Variants in NRF1 observed in about 807,000 individuals in gnomAD.
The protein encoded by NRF1 is nuclear respiratory factor 1.
A neutral mutation model predicts 58.5 loss-of-function variants in NRF1; 5 were observed. The ratio of observed to expected loss-of-function variants is 0.09; its 90% CI spans 0.04 to 0.18. The LOEUF (loss-of-function observed/expected upper bound fraction) is 0.18. Among genes scored for constraint, NRF1 ranks in the 10% least tolerant of loss-of-function variants. The probability of loss-of-function intolerance (pLI) is 1.00; values close to 1 mark genes in which losing one functional copy is unlikely to be tolerated. For synonymous variants in NRF1, 224 were observed against 246.7 expected (o/e 0.91, Z 0.86); for missense variants, 288 against 657.7 (o/e 0.44, Z 6.15).
intron 1 of NRF1, among the ~76,000 whole-genome samples, chr7:129,627,659 G>T (rs1800950880): frequency 6.6e-6 from 1 of 152,114 alleles, no homozygotes; most frequent in South Asian, 2.1e-4. Flanking sequence ...CAAGAGAATT[G>T]ACTATTATAT....
At chr7:129,663,261 C>G (rs186704959) in intron 2 of NRF1, among the ~76,000 whole-genome samples, 1 of 152,208 alleles carries the variant, frequency 6.6e-6, no homozygotes, top group East Asian at 1.9e-4. Flanking sequence ...TCTCGATGGT[C>G]GCTGTCTCTT....
At chr7:129,699,208 G>A (rs141524565) in intron 5 of NRF1, among the ~76,000 whole-genome samples, 1 of 152,294 alleles carries the variant, frequency 6.6e-6, no homozygotes, top group African/African-American at 2.4e-5. Flanking sequence ...TGCTTCATTA[G>A]GAAGGAGTTA....
chr7:129,622,349 T>G (rs893949339), intron 1 of NRF1, among the ~76,000 whole-genome samples: 10 of 152,134 alleles, frequency 6.6e-5, no homozygotes, highest in African/African-American at 2.4e-4. Flanking sequence ...ATTTGAAAAA[T>G]GAGGAGGACA....
chr7:129,732,873 C>T (rs535069148), intron 10 of NRF1, among the ~76,000 whole-genome samples: 49 of 152,138 alleles, frequency 3.2e-4, no homozygotes, highest in Non-Finnish European at 3.4e-4. Context: ...AAGTTCCAGA[C>T]CAGCCTGGGC....
In NRF1 at chr7:129,687,214, A is replaced by T. The variant is rs553701738; in HGVS notation, c.466-3192A>T. 3.3e-5 allele frequency among the ~76,000 whole-genome samples: 5 copies of T among 151,616 alleles called. No individual in the cohort carries two copies. The South Asian group carries it at 1.0e-3, about 32-fold the overall frequency. ...AAAACAGGCAATGCTATATTTCTTT[A>T]AAAAGTGCTCTGTTATTGTCTGAAT... On this transcript the variant is annotated intron_variant, in intron 4 of 10. Coordinates refer to ENST00000393232, the MANE Select transcript of NRF1 (RefSeq NM_005011.5).
Position 129,678,430 on chromosome 7 carries a change from G to A in NRF1, c.465+672G>A, listed in dbSNP as rs1325762312. ...TATTAGCTTAAAATGACATTTATTA[G>A]ATGTCTCCCATATTGAATATAGGCA... On this transcript the variant is annotated intron_variant, in intron 4 of 10. Transcript: ENST00000393232. Among the ~76,000 whole-genome samples, 3 of 152,100 alleles carry A rather than the reference G, an allele frequency of 2.0e-5. No homozygotes were observed. In the East Asian group the frequency reaches 5.8e-4, roughly 29 times the overall value.
chr7:129,671,410 A>G lies in NRF1; in HGVS notation c.224-19A>G, dbSNP rs1479528665. The G allele has an allele frequency of 1.3e-6, 2 of 1,545,290 alleles. No homozygotes were observed. Among genetic ancestry groups the G allele is most frequent in the Non-Finnish European group, 1.8e-6 (2 of 1,117,530 alleles). ...TTACAGGCAGCTGCCTAATCTCAGC[A>G]CATACGTTATTATTTCAGGTCCTGT... On this transcript the variant is annotated intron_variant, in intron 2 of 10. Coordinates refer to ENST00000393232, the MANE Select transcript of NRF1 (RefSeq NM_005011.5).
At chr7:129,627,402 G>A (rs538529345) in intron 1 of NRF1, among the ~76,000 whole-genome samples, 2 of 151,210 alleles carry the variant, frequency 1.3e-5, no homozygotes, top group Middle Eastern at 3.4e-3. Flanking sequence ...TATTTTTTTC[G>A]TAGATACAAG....
At position 129,741,013 on chromosome 7, in the gene NRF1, C is replaced by T. The variant is rs145817879; in HGVS notation, c.1348+13648C>T. Among the ~76,000 whole-genome samples, 3 of 152,116 alleles carry T rather than the reference C, an allele frequency of 2.0e-5. No homozygotes were observed. Among genetic ancestry groups the T allele is most frequent in the East Asian group, 1.9e-4 (1 of 5,194 alleles). On this transcript the variant is annotated intron_variant, in intron 10 of 10. Transcript: ENST00000393232. The surrounding 1 kb of genome is among the most constrained non-coding windows in gnomAD (Gnocchi z 4.0). ...ATGTGAAAGACTGGATACCTCTAGT[C>T]GACATGTCAGGGCCCCAAAGGAATC...
chr7:129,675,913 G>A (rs1446393972), intron 3 of NRF1, among the ~76,000 whole-genome samples: 1 of 152,204 alleles, frequency 6.6e-6, no homozygotes, highest in Non-Finnish European at 1.5e-5. Context: ...GAAAGTCCTA[G>A]ATTGTATCTT....
At chr7:129,750,445 A>G (rs1402630317) in intron 10 of NRF1, among the ~76,000 whole-genome samples, 1 of 152,194 alleles carries the variant, frequency 6.6e-6, no homozygotes, top group African/African-American at 2.4e-5. Flanking sequence ...AGGCGATTTA[A>G]TCTAATCCCA....
intron 10 of NRF1, among the ~76,000 whole-genome samples, chr7:129,754,273 C>A (rs1804193140): frequency 6.7e-6 from 1 of 148,732 alleles, no homozygotes; most frequent in South Asian, 2.1e-4. Flanking sequence ...CCAGCCTGGG[C>A]AACACAGCAA....
intron 10 of NRF1, among the ~76,000 whole-genome samples, chr7:129,734,539 G>A (rs1364042045): frequency 2.0e-5 from 3 of 152,186 alleles, no homozygotes; most frequent in African/African-American, 4.8e-5. Context: ...CAGCTGTTCC[G>A]AGGGCTGTAG....
intron 4 of NRF1, among the ~76,000 whole-genome samples, chr7:129,684,887 A>G (rs1802409711): frequency 6.6e-6 from 1 of 152,200 alleles, no homozygotes; most frequent in Non-Finnish European, 1.5e-5. Context: ...GGGAATCCCA[A>G]AGGACTAAGG....
chr7:129,663,556 A>G (rs1314291665), intron 2 of NRF1, among the ~76,000 whole-genome samples: 1 of 139,584 alleles, frequency 7.2e-6, no homozygotes, highest in Non-Finnish European at 1.5e-5. Context: ...GGCTGCTCAC[A>G]TCCCAGACGA....
intron 9 of NRF1, among the ~76,000 whole-genome samples, chr7:129,722,374 A>T (rs1268391182): frequency 2.6e-5 from 4 of 151,936 alleles, no homozygotes; most frequent in African/African-American, 9.7e-5. Flanking sequence ...CTGGGCCACA[A>T]GAGCGAAACT....
intron 10 of NRF1, among the ~76,000 whole-genome samples, chr7:129,742,691 C>T (rs1215461345): frequency 6.6e-6 from 1 of 152,148 alleles, no homozygotes; most frequent in African/African-American, 2.4e-5. Context: ...TCCATTTAAA[C>T]AAAGGCAACT....
chr7:129,735,899 T>C (rs1000802724), intron 10 of NRF1, among the ~76,000 whole-genome samples: 1 of 152,066 alleles, frequency 6.6e-6, no homozygotes, highest in Admixed American at 6.5e-5. Context: ...TCCCAGCTAC[T>C]TGGGAGGCTG....
At chr7:129,643,851 G>A (rs1170262866) in intron 1 of NRF1, among the ~76,000 whole-genome samples, 1 of 152,192 alleles carries the variant, frequency 6.6e-6, no homozygotes, top group African/African-American at 2.4e-5. Context: ...AGACTAAATG[G>A]CAGTGTAAAG....
Sources: allele counts gnomAD v4.1 joint callset (sites outside exome capture counted in the v4.1 genomes callset), GRCh38; gene constraint gnomAD v4.1.1; non-coding constraint Gnocchi (gnomAD v3.1); transcripts MANE v1.5; gene names NCBI Gene and HGNC (gene_info 2026-07-23, HGNC 2026-07-21).